UBAP2: variants seen among roughly 807,000 people sequenced by gnomAD.
UBAP2 encodes the protein ubiquitin associated protein 2.
A neutral mutation model predicts 139.6 loss-of-function variants in UBAP2; 75 were observed. The ratio of observed to expected loss-of-function variants is 0.54; its 90% CI spans 0.45 to 0.65. UBAP2 has a LOEUF of 0.65. UBAP2 is among the 30% of genes least tolerant of loss of function. UBAP2 has a pLI of 0.00. For missense variants in UBAP2, 1,368 were observed against 1,369.6 expected, an observed-to-expected ratio of 1.00 and a Z score of 0.02; for synonymous variants, 526 against 526.2, an observed-to-expected ratio of 1.00 and a Z score of 0.01.
rs909010338 is a variant in UBAP2, at chr9:34,017,250, G to A, written c.-41-61C>T. Reference sequence around the variant, plus strand: ...TAGTAAAAGATAAGCATGTACTTCAGAGAAAACAAGGACACTTACAATAAA... The same window carrying A: ...TAGTAAAAGATAAGCATGTACTTCAAAGAAAACAAGGACACTTACAATAAA... On this transcript the variant is annotated intron_variant, in intron 1 of 28. Coordinates refer to ENST00000379238, the MANE Select transcript of UBAP2 (RefSeq NM_001370062.2). 5 of 683,024 alleles carry A rather than the reference G, an allele frequency of 7.3e-6. No individual in the cohort carries two copies. The African/African-American group carries it at 7.5e-5, about 10-fold the overall frequency. 42.3% of individuals were successfully genotyped at this position (683,024 alleles called of 1,614,324 possible).
intron 2 of UBAP2, among the ~76,000 whole-genome samples, chr9:34,015,623 G>A (rs1487132491): frequency 1.3e-5 from 2 of 151,434 alleles, no homozygotes; most frequent in Admixed American, 1.3e-4. Flanking sequence ...CACTGCGCCC[G>A]GCCTCAAGTG....
chr9:33,990,637 AT>A (rs35851905), intron 4 of UBAP2, among the ~76,000 whole-genome samples: 11 of 132,624 alleles, frequency 8.3e-5, no homozygotes, highest in East Asian at 2.2e-4. Context: ...GTACCCCCCA[AT>A]TTTTTTTTTT....
At chr9:33,981,410 T>A (rs1274099572) in intron 6 of UBAP2, among the ~76,000 whole-genome samples, 1 of 150,498 alleles carries the variant, frequency 6.6e-6, no homozygotes, top group Non-Finnish European at 1.5e-5. Flanking sequence ...GGCTGGAGTG[T>A]AGTGGCACAA....
chr9:33,941,610 A>T, intron 16 of UBAP2, 39 bp downstream of exon 16: 1 of 1,518,624 alleles, frequency 6.6e-7, no homozygotes, highest in Non-Finnish European at 9.1e-7. Context: ...TCCAAATAAG[A>T]CGGACATCTT....
Position 33,923,455 on chromosome 9 carries a change from T to G in UBAP2, c.2820A>C (p.Gln940His). Residue 940 changes from glutamine to histidine, a missense_variant, in exon 25 of 29, where the codon CAA becomes CAC. Physicochemically the swap from Gln to His is conservative, Grantham distance 24. Coordinates refer to ENST00000379238, the MANE Select transcript of UBAP2 (RefSeq NM_001370062.2). ...TGGGAGTGCTGAGGTTCACCCCATG[T>G]TGCTTGGCTGAGGCTGGAGGGACCT... ...TMFVPPASAK[Q>H]HGVNLSTPTP... 6.2e-7 allele frequency: 1 copy of G among 1,614,134 alleles called. No homozygotes were observed. The highest frequency in any genetic ancestry group is 1.1e-5 in the South Asian group (1 of 91,076).
At chr9:33,942,456 G>A (rs1043662672) in intron 15 of UBAP2, among the ~76,000 whole-genome samples, 15 of 152,130 alleles carry the variant, frequency 9.9e-5, no homozygotes, top group East Asian at 1.9e-4. Context: ...CAGCCAGGCC[G>A]GTGGCTCATG....
rs538117755 is a variant in UBAP2 at position 33,958,501 on chromosome 9, G to A, written c.798+2325C>T. ...TCTTGTCTCACTGCAAGTGCCTCCC[G>A]GGTTCAAGTGATTCTCCTGCCTCAG... On this transcript the variant is annotated intron_variant, in intron 10 of 28. Coordinates refer to ENST00000379238, the MANE Select transcript of UBAP2 (RefSeq NM_001370062.2). Among the ~76,000 whole-genome samples, 14 of 151,232 alleles carry A rather than the reference G, an allele frequency of 9.3e-5. No individual in the cohort carries two copies. In the East Asian group the frequency reaches 9.9e-4, roughly 11 times the overall value.
chr9:33,993,573 G>A (rs184089362), intron 4 of UBAP2, among the ~76,000 whole-genome samples: 1,825 of 150,646 alleles, frequency 0.012, 31 homozygotes, highest in African/African-American at 0.039. Context: ...TCGGCAGGCT[G>A]GAGGATGGCA....
At chr9:33,963,227 T>G (rs903199671) in intron 9 of UBAP2, among the ~76,000 whole-genome samples, 2 of 152,180 alleles carry the variant, frequency 1.3e-5, no homozygotes, top group Non-Finnish European at 2.9e-5. Flanking sequence ...GAAACTCCCA[T>G]GTGAGAAGCA....
intron 11 of UBAP2, among the ~76,000 whole-genome samples, chr9:33,954,267 T>TACACACACACACACACACACACAC (rs368965909): frequency 2.7e-4 from 27 of 101,620 alleles, no homozygotes; most frequent in Admixed American, 7.6e-4. Context: ...AGTGTGTGTA[T>TACACACACACACACACACACACAC]ATACACACAC....
chr9:33,967,063 T>C (rs1341475386), intron 8 of UBAP2, among the ~76,000 whole-genome samples: 14 of 152,212 alleles, frequency 9.2e-5, no homozygotes, highest in Non-Finnish European at 2.9e-5. Context: ...TCAATATTGT[T>C]TTATATTTTT....
chr9:33,988,120 A>G (rs1232375461), intron 5 of UBAP2, among the ~76,000 whole-genome samples: 1 of 152,084 alleles, frequency 6.6e-6, no homozygotes, highest in Admixed American at 6.6e-5. Context: ...TTTTCCCTAT[A>G]ACATAATTTC....
At chr9:33,951,999 T>C (rs1564027638) in intron 12 of UBAP2, among the ~76,000 whole-genome samples, 1 of 152,132 alleles carries the variant, frequency 6.6e-6, no homozygotes, top group Non-Finnish European at 1.5e-5. Context: ...ATACCAATGA[T>C]ACTAAAAACA....
At position 33,922,044 on chromosome 9, in the gene UBAP2, GAAGT is replaced by G. The variant is rs1229757413; in HGVS notation, c.*456_*459del. 7 of 158,840 alleles carry G rather than the reference GAAGT, an allele frequency of 4.4e-5. No homozygotes were observed. Among genetic ancestry groups the G allele is most frequent in the Non-Finnish European group, 8.3e-5 (6 of 72,646 alleles). The allele number at this position is 158,840 out of a possible 1,614,324, so 9.8% of individuals were successfully genotyped here. A position where few individuals can be genotyped will look rare whatever the true frequency, so the allele number is the denominator to read the frequency against. On this transcript the variant is annotated 3_prime_UTR_variant, in exon 29 of 29. Coordinates refer to ENST00000379238, the MANE Select transcript of UBAP2 (RefSeq NM_001370062.2). ...AACAGTTTCTCAAAAACAGAGGTAT[GAAGT>G]AATTACACAGGAAAGAAAACAATTT...
intron 19 of UBAP2, among the ~76,000 whole-genome samples, chr9:33,930,354 T>C (rs1823861420): frequency 6.6e-6 from 1 of 152,126 alleles, no homozygotes; most frequent in Non-Finnish European, 1.5e-5. Context: ...ATATGTAGGT[T>C]ATCAAATGCA....
At chr9:33,926,340 A>G (rs1415596856) in intron 22 of UBAP2, among the ~76,000 whole-genome samples, 1 of 152,208 alleles carries the variant, frequency 6.6e-6, no homozygotes, top group African/African-American at 2.4e-5. Context: ...AGGAGGGAAG[A>G]TAAGGACCAA....
chr9:33,928,913 C>T (rs758488609), intron 19 of UBAP2: 5 of 152,368 alleles, frequency 3.3e-5, no homozygotes, highest in African/African-American at 7.2e-5. Flanking sequence ...AACTCTCCGC[C>T]GCCATCCCAT....
intron 2 of UBAP2, among the ~76,000 whole-genome samples, chr9:34,005,692 G>A (rs996999942): frequency 3.9e-5 from 6 of 151,962 alleles, no homozygotes; most frequent in Non-Finnish European, 8.8e-5. Flanking sequence ...AAATAGGAAT[G>A]GGAGAAAAGA....
In UBAP2 at chr9:33,927,728, T is replaced by C; in HGVS notation, c.2371+69A>G. 6 of 1,504,042 alleles carry C rather than the reference T, an allele frequency of 4.0e-6. No individual in the cohort carries two copies. The South Asian group carries it at 7.7e-5, about 19-fold the overall frequency. The allele number at this position is 1,504,042 out of a possible 1,614,324, so 93.2% of individuals were successfully genotyped here. ...GACTCTCCTGACACCTGCACTGCCT[T>C]CCTGGGACGCCAAGCAGGCACCTTT... On this transcript the variant is annotated intron_variant, in intron 20 of 28. Transcript: ENST00000379238.
Sources: gnomAD v4.1 joint callset for allele counts (sites outside exome capture counted in the v4.1 genomes callset) on GRCh38, gnomAD v4.1.1 for gene constraint, MANE v1.5 for transcripts, NCBI Gene and HGNC (gene_info 2026-07-23, HGNC 2026-07-21) for gene names.